TTC29: variants seen among roughly 807,000 people sequenced by gnomAD.
The protein encoded by TTC29 is tetratricopeptide repeat protein 29.
TTC29 carries 49 observed loss-of-function variants against 58.1 expected under a neutral mutation model. The observed-to-expected ratio is 0.84, with a 90% CI of 0.67 to 1.07. The LOEUF (loss-of-function observed/expected upper bound fraction) is 1.07, where lower values mean the gene tolerates loss of function less well. TTC29 is among the 50% of genes least tolerant of loss of function. The probability of loss-of-function intolerance (pLI) is 0.00; values close to 1 mark genes in which losing one functional copy is unlikely to be tolerated. For missense variants in TTC29, 582 were observed against 555.6 expected, an observed-to-expected ratio of 1.05 and a Z score of -0.48; for synonymous variants, 209 against 196.8, an observed-to-expected ratio of 1.06 and a Z score of -0.52.
intron 11 of TTC29, among the ~76,000 whole-genome samples, chr4:146,713,339 C>T (rs1742667281): frequency 6.6e-6 from 1 of 151,558 alleles, no homozygotes; most frequent in African/African-American, 2.4e-5. Context: ...GTCATTCATG[C>T]ATTCATGGCT....
intron 7 of TTC29, among the ~76,000 whole-genome samples, chr4:146,873,238 CAA>C (rs1195661210): frequency 1.3e-5 from 2 of 152,066 alleles, no homozygotes; most frequent in Admixed American, 1.3e-4. Flanking sequence ...AAGTAGGAGA[CAA>C]GAGTAAAGGG....
chr4:146,721,683 C>T (rs1431097423), intron 11 of TTC29, among the ~76,000 whole-genome samples: 1 of 151,878 alleles, frequency 6.6e-6, no homozygotes, highest in African/African-American at 2.4e-5. Flanking sequence ...TATGACAGTA[C>T]AAAAGACATA....
intron 2 of TTC29, 119 bp downstream of exon 2, chr4:146,944,912 T>C (rs768445024): frequency 2.6e-5 from 4 of 152,132 alleles, no homozygotes; most frequent in Non-Finnish European, 4.4e-5. Flanking sequence ...CATGGGTAGA[T>C]AGGTTGTTTA....
At chr4:146,828,376 A>G (rs1727944686) in intron 9 of TTC29, among the ~76,000 whole-genome samples, 1 of 151,966 alleles carries the variant, frequency 6.6e-6, no homozygotes, top group Admixed American at 6.6e-5. Context: ...TGTTCTATCA[A>G]ATTGTTAATT....
At chr4:146,909,318 T>C (rs1733744318) in intron 4 of TTC29, 69 bp from the exon 5 acceptor site, 1 of 1,215,022 alleles carries the variant, frequency 8.2e-7, no homozygotes, top group African/African-American at 1.5e-5. Flanking sequence ...ATTTTCATTC[T>C]CTAATAATTA....
At chr4:146,722,236 T>G (rs1169287614) in intron 11 of TTC29, among the ~76,000 whole-genome samples, 1 of 152,188 alleles carries the variant, frequency 6.6e-6, no homozygotes, top group Admixed American at 6.5e-5. Context: ...GAAATGGCCA[T>G]AATTTCCAAA....
intron 11 of TTC29, among the ~76,000 whole-genome samples, chr4:146,738,505 TA>T (rs1744886759): frequency 6.7e-6 from 1 of 150,300 alleles, no homozygotes; most frequent in South Asian, 2.1e-4. Context: ...AAAGATTGCA[TA>T]TTTTTTTTTT....
At chr4:146,850,003 A>C (rs1396519024) in intron 8 of TTC29, among the ~76,000 whole-genome samples, 1 of 152,094 alleles carries the variant, frequency 6.6e-6, no homozygotes, top group Non-Finnish European at 1.5e-5. Context: ...ACTTTTTCCC[A>C]TAGTGTTTCT....
intron 8 of TTC29, among the ~76,000 whole-genome samples, chr4:146,844,514 T>C (rs944244570): frequency 6.6e-6 from 1 of 152,104 alleles, no homozygotes; most frequent in African/African-American, 2.4e-5. Flanking sequence ...GAAAGAAAAA[T>C]TTCCTAGCTC....
At chr4:146,873,371 T>C (rs765309633) in intron 7 of TTC29, among the ~76,000 whole-genome samples, 2 of 152,168 alleles carry the variant, frequency 1.3e-5, no homozygotes, top group African/African-American at 2.4e-5. Flanking sequence ...TTTTAAAAGA[T>C]ATTAAAAACT....
intron 8 of TTC29, among the ~76,000 whole-genome samples, chr4:146,842,125 G>A (rs540555275): frequency 2.0e-5 from 3 of 152,020 alleles, no homozygotes; most frequent in African/African-American, 2.4e-5. Flanking sequence ...ATCCTACAAC[G>A]CACACCATAG....
At chr4:146,712,259 A>T (rs1742553684) in intron 11 of TTC29, among the ~76,000 whole-genome samples, 1 of 152,178 alleles carries the variant, frequency 6.6e-6, no homozygotes. Context: ...TGAAAAAGAT[A>T]TTGACAGTTA....
chr4:146,721,779 A>G (rs1023293985), intron 11 of TTC29, among the ~76,000 whole-genome samples: 8 of 152,236 alleles, frequency 5.3e-5, no homozygotes, highest in African/African-American at 1.7e-4. Flanking sequence ...ATAAGTACAT[A>G]AAAATTAGTT....
chr4:146,849,864 C>A (rs961464014), intron 8 of TTC29, among the ~76,000 whole-genome samples: 1 of 152,036 alleles, frequency 6.6e-6, no homozygotes, highest in Non-Finnish European at 1.5e-5. Context: ...TCTGCATGGC[C>A]CACTCTCTCA....
chr4:146,707,580 A>G, intron 11 of TTC29, 29 bp from the exon 12 acceptor site: 1 of 1,475,526 alleles, frequency 6.8e-7, no homozygotes, highest in Non-Finnish European at 9.4e-7. Flanking sequence ...AAGTTAATAG[A>G]TTATCATGAA....
chr4:146,787,296 G>T (rs562882466), intron 11 of TTC29, among the ~76,000 whole-genome samples: 73 of 152,246 alleles, frequency 4.8e-4, no homozygotes, highest in Non-Finnish European at 9.4e-4. Context: ...ACAAATGAAA[G>T]AATTCTACTT....
chr4:146,847,969 T>C (rs917031663), intron 8 of TTC29, among the ~76,000 whole-genome samples: 24 of 152,210 alleles, frequency 1.6e-4, no homozygotes, highest in Admixed American at 1.3e-4. Flanking sequence ...CGTTTAACAG[T>C]GTGGACTGTG....
At chr4:146,940,729 T>C (rs914646811) in intron 2 of TTC29, among the ~76,000 whole-genome samples, 11 of 152,238 alleles carry the variant, frequency 7.2e-5, no homozygotes, top group Non-Finnish European at 1.2e-4. Context: ...TCATGTGGCA[T>C]GGACTCCCTC....
At chr4:146,928,939 G>C (rs1459060798) in intron 4 of TTC29, among the ~76,000 whole-genome samples, 6 of 152,058 alleles carry the variant, frequency 3.9e-5, no homozygotes, top group Non-Finnish European at 5.9e-5. Flanking sequence ...AAATTATTCT[G>C]ACCAAATAAC....
Sources: gnomAD v4.1 joint callset for allele counts (sites outside exome capture counted in the v4.1 genomes callset) on GRCh38, gnomAD v4.1.1 for gene constraint, MANE v1.5 for transcripts, NCBI Gene and HGNC (gene_info 2026-07-23, HGNC 2026-07-21) for gene names.